The following CELF2 variants were observed in gnomAD, a reference collection of about 807,000 sequenced individuals.
CELF2 encodes the protein CUGBP Elav-like family member 2, also known as CUG triplet repeat RNA-binding protein 2.
In CELF2, 8 loss-of-function variants were observed where a neutral mutation model predicts 62.6. The ratio of observed to expected loss-of-function variants is 0.13; its 90% CI spans 0.07 to 0.23. CELF2 has a LOEUF of 0.23. CELF2 is among the 10% of genes least tolerant of loss of function. The pLI is 1.00. For missense variants in CELF2, 333 were observed against 671.0 expected, an observed-to-expected ratio of 0.50 and a Z score of 5.56; for synonymous variants, 258 against 250.0, an observed-to-expected ratio of 1.03 and a Z score of -0.30.
upstream of CELF2, among the ~76,000 whole-genome samples, chr10:11,004,316 G>T (rs1476461420): frequency 6.6e-6 from 1 of 152,070 alleles, no homozygotes; most frequent in East Asian, 1.9e-4. This position sits in a 1 kb window ranked among gnomAD's most constrained non-coding sequence, Gnocchi z 5.0. Flanking sequence ...CGCATTCTTG[G>T]CTTCAGGTCA....
chr10:10,903,641 A>C (rs1255736869), intron 1 of CELF2, among the ~76,000 whole-genome samples: 2 of 152,220 alleles, frequency 1.3e-5, no homozygotes, highest in African/African-American at 4.8e-5. Flanking sequence ...AACCTGACCA[A>C]GTGAAATGAG....
intron 2 of CELF2, among the ~76,000 whole-genome samples, chr10:11,185,656 C>T (rs889077280): frequency 6.6e-6 from 1 of 152,178 alleles, no homozygotes; most frequent in Non-Finnish European, 1.5e-5. Context: ...TCAGGTGATG[C>T]GCCTGCCTCA....
At chr10:11,096,001 C>T (rs1292294526) in intron 1 of CELF2, among the ~76,000 whole-genome samples, 1 of 152,178 alleles carries the variant, frequency 6.6e-6, no homozygotes, top group Non-Finnish European at 1.5e-5. Context: ...ACACCTACCT[C>T]GCATCCATAG....
chr10:11,001,831 A>G (rs1431857228), upstream of CELF2, among the ~76,000 whole-genome samples: 1 of 152,116 alleles, frequency 6.6e-6, no homozygotes, highest in African/African-American at 2.4e-5. Context: ...AGTAATAATC[A>G]GGATTGTTAA....
At position 11,117,596 on chromosome 10, in the gene CELF2, C is replaced by T. The variant is rs377557088; in HGVS notation, c.75-47890C>T. Among the ~76,000 whole-genome samples, 1 of 152,240 alleles carries T rather than the reference C, an allele frequency of 6.6e-6. No homozygotes were observed. The highest frequency in any genetic ancestry group is 1.9e-4 in the East Asian group (1 of 5,184). ...GACTCCATAATATTTATGATAAAAA[C>T]AAAAACCACGTGTGTGATGGTATCA... On this transcript the variant is annotated intron_variant, in intron 1 of 12. Transcript: ENST00000633077. This position sits in a 1 kb window ranked among gnomAD's most constrained non-coding sequence, Gnocchi z 4.1.
At chr10:10,562,277 T>A in the CELF2 span, among the ~76,000 whole-genome samples, 5 of 152,154 alleles carry the variant, frequency 3.3e-5, no homozygotes, top group African/African-American at 1.2e-4. Context: ...CATAAAACTG[T>A]GAATTATGAC....
At chr10:10,495,812 C>T in the CELF2 span, among the ~76,000 whole-genome samples, 6 of 152,162 alleles carry the variant, frequency 3.9e-5, no homozygotes, top group Admixed American at 2.0e-4. Flanking sequence ...AGCGTGAGCT[C>T]ACTGATGGTC....
At chr10:10,765,658 C>A in the CELF2 span, among the ~76,000 whole-genome samples, 1 of 152,126 alleles carries the variant, frequency 6.6e-6, no homozygotes, top group African/African-American at 2.4e-5. Flanking sequence ...AGGGAACAAC[C>A]GACTGCAGCT....
chr10:11,041,858 A>C (rs953161288), intron 1 of CELF2, among the ~76,000 whole-genome samples: 7 of 152,216 alleles, frequency 4.6e-5, no homozygotes, highest in African/African-American at 1.4e-4. Flanking sequence ...ATATATACGA[A>C]AGAATTGTCA....
rs1299468063 is a variant in CELF2, at chr10:11,157,905, A to G, written c.75-7581A>G. 6.6e-6 allele frequency among the ~76,000 whole-genome samples: 1 copy of G among 152,194 alleles called. No homozygotes were observed. Among genetic ancestry groups the G allele is most frequent in the Non-Finnish European group, 1.5e-5 (1 of 68,034 alleles). On this transcript the variant is annotated intron_variant, in intron 1 of 12. Coordinates refer to ENST00000633077, the MANE Select transcript of CELF2 (RefSeq NM_001326342.2). This position sits in a 1 kb window ranked among gnomAD's most constrained non-coding sequence, Gnocchi z 4.9. ...ACCTGCCTTGAGAAGCACAGTCACC[A>G]CAACCTAGTCTGCAGGGAATCAGAT... is the stretch of plus-strand genomic sequence containing the variant.
intron 1 of CELF2, among the ~76,000 whole-genome samples, chr10:10,878,436 C>G (rs1591474001): frequency 6.6e-6 from 1 of 152,258 alleles, no homozygotes. Flanking sequence ...TTCATGAAAC[C>G]TTGAATTTAA....
At chr10:10,751,437 G>T in the CELF2 span, among the ~76,000 whole-genome samples, 2 of 152,196 alleles carry the variant, frequency 1.3e-5, no homozygotes, top group Non-Finnish European at 2.9e-5. Context: ...TATCTGAAGG[G>T]CACAGAATGA....
chr10:11,125,073 C>G (rs1474605753), intron 1 of CELF2, among the ~76,000 whole-genome samples: 1 of 152,188 alleles, frequency 6.6e-6, no homozygotes, highest in Non-Finnish European at 1.5e-5. Flanking sequence ...AACCACTTAG[C>G]TGGACCATTA....
intron 2 of CELF2, among the ~76,000 whole-genome samples, chr10:11,168,707 T>A (rs2067951012): frequency 6.6e-6 from 1 of 152,208 alleles, no homozygotes; most frequent in Admixed American, 6.5e-5. Context: ...GTCAGGCTGT[T>A]ACCTAATAAT....
Position 11,309,027 on chromosome 10 carries a change from T to A in CELF2, c.977-5112T>A, listed in dbSNP as rs2094427386. On this transcript the variant is annotated intron_variant, in intron 9 of 12. Coordinates refer to ENST00000633077, the MANE Select transcript of CELF2 (RefSeq NM_001326342.2). This position sits in a 1 kb window ranked among gnomAD's most constrained non-coding sequence, Gnocchi z 5.6. ...TCTTTATTTGATGAAACATTGTAAT[T>A]ACACTTATAATCCTTTAGGCATGAT... is the stretch of plus-strand genomic sequence containing the variant. 6.6e-6 allele frequency among the ~76,000 whole-genome samples: 1 copy of A among 152,256 alleles called. No homozygotes were observed. The highest frequency in any genetic ancestry group is 1.5e-5 in the Non-Finnish European group (1 of 68,042).
chr10:11,198,005 C>G (rs2058385103), intron 2 of CELF2, among the ~76,000 whole-genome samples: 1 of 152,144 alleles, frequency 6.6e-6, no homozygotes, highest in Non-Finnish European at 1.5e-5. Context: ...GTAACCAGAC[C>G]CCATATAACT....
At chr10:10,816,390 A>C (rs1011273894) in intron 1 of CELF2, among the ~76,000 whole-genome samples, 3 of 152,246 alleles carry the variant, frequency 2.0e-5, no homozygotes, top group African/African-American at 7.2e-5. Flanking sequence ...TGTTTAAAAA[A>C]GTATTTGCTG....
In CELF2 at chr10:11,115,351, A is replaced by C. The variant is rs138438899; in HGVS notation, c.75-50135A>C. Among the ~76,000 whole-genome samples the C allele has an allele frequency of 9.2e-4, 140 of 152,320 alleles. 1 individual carries two copies. Among genetic ancestry groups the C allele is most frequent in the African/African-American group, 3.2e-3 (131 of 41,580 alleles). ...AAAGAACCTGATGCTACAGGCGTTT[A>C]ACATACTTTTCTTGGATTGTTGAAA... On this transcript the variant is annotated intron_variant, in intron 1 of 12. Coordinates refer to ENST00000633077, the MANE Select transcript of CELF2 (RefSeq NM_001326342.2).
intron 8 of CELF2, among the ~76,000 whole-genome samples, chr10:11,281,656 G>A (rs893214657): frequency 6.6e-6 from 1 of 152,172 alleles, no homozygotes; most frequent in Non-Finnish European, 1.5e-5. Flanking sequence ...AGGAGGCTGA[G>A]GTAGGAGGAT....
Sources: allele counts gnomAD v4.1 joint callset (sites outside exome capture counted in the v4.1 genomes callset), GRCh38; gene constraint gnomAD v4.1.1; non-coding constraint Gnocchi (gnomAD v3.1); transcripts MANE v1.5; gene names NCBI Gene and HGNC (gene_info 2026-07-23, HGNC 2026-07-21).